Variants in DOCK8 observed in about 807,000 individuals in gnomAD.
The protein encoded by DOCK8 is dedicator of cytokinesis 8, also known as dedicator of cytokinesis protein 8.
DOCK8 carries 141 observed loss-of-function variants against 245.6 expected under a neutral mutation model. That is an observed-to-expected ratio of 0.57 (90% CI 0.50 to 0.66). The LOEUF (loss-of-function observed/expected upper bound fraction) is 0.66, where lower values mean the gene tolerates loss of function less well. DOCK8 is among the 30% of genes least tolerant of loss of function. The pLI, the probability that DOCK8 is intolerant of heterozygous loss-of-function variation, is 0.00. For synonymous variants in DOCK8, 1,168 were observed against 970.2 expected (o/e 1.20, Z -3.79); for missense variants, 2,965 against 2,603.4 (o/e 1.14, Z -3.02).
intron 5 of DOCK8, among the ~76,000 whole-genome samples, chr9:308,088 C>T (rs575853209): frequency 4.7e-4 from 71 of 152,188 alleles, no homozygotes; most frequent in Non-Finnish European, 8.7e-4. Context: ...GGTTGGTTAA[C>T]GGTTACAAAA....
intron 2 of DOCK8, among the ~76,000 whole-genome samples, chr9:279,601 C>T (rs549555070): frequency 1.3e-5 from 2 of 152,244 alleles, no homozygotes; most frequent in South Asian, 2.1e-4. Context: ...AATTGGTTGC[C>T]TTCCATGGGA....
chr9:369,050 C>T (rs1384717320), intron 15 of DOCK8: 1 of 152,068 alleles, frequency 6.6e-6, no homozygotes, highest in Non-Finnish European at 1.5e-5. Context: ...AGCTGATCCA[C>T]CCGCCTTGGC....
intron 9 of DOCK8, among the ~76,000 whole-genome samples, chr9:329,224 T>C (rs1563927276): frequency 6.6e-6 from 1 of 152,180 alleles, no homozygotes; most frequent in Non-Finnish European, 1.5e-5. Context: ...AGTGTTGGGA[T>C]TACAGGCGTG....
chr9:396,487 T>G (rs1160236709), intron 24 of DOCK8, among the ~76,000 whole-genome samples: 1 of 152,194 alleles, frequency 6.6e-6, no homozygotes, highest in African/African-American at 2.4e-5. Context: ...CCTTCCAGGA[T>G]GTAGGCAGTT....
chr9:259,092 C>T (rs1587678284), intron 1 of DOCK8, among the ~76,000 whole-genome samples: 1 of 152,028 alleles, frequency 6.6e-6, no homozygotes, highest in Non-Finnish European at 1.5e-5. Context: ...GGATCACCTG[C>T]ATCCAGGAAT....
chr9:285,585 A>G (rs1043377512), intron 2 of DOCK8, among the ~76,000 whole-genome samples: 1 of 152,172 alleles, frequency 6.6e-6, no homozygotes, highest in Admixed American at 6.5e-5. Context: ...TTACTTTCTT[A>G]GGGTGGTCAT....
intron 4 of DOCK8, among the ~76,000 whole-genome samples, chr9:291,100 A>G (rs139594171): frequency 9.6e-4 from 147 of 152,368 alleles, no homozygotes; most frequent in African/African-American, 3.5e-3. Context: ...AAGTTTTTAA[A>G]TGCTATCATT....
At chr9:400,820 TCCACCA>T (rs1564015599) in intron 26 of DOCK8, among the ~76,000 whole-genome samples, 30 of 26,308 alleles carry the variant, frequency 1.1e-3, no homozygotes, top group East Asian at 4.2e-3. Context: ...CACCACCACC[TCCACCA>T]TCACCATCAC....
intron 21 of DOCK8, 121 bp from the exon 22 acceptor site, chr9:382,392 T>A: frequency 7.1e-7 from 1 of 1,403,114 alleles, no homozygotes; most frequent in Non-Finnish European, 1.0e-6. Flanking sequence ...AAGAAGTCTC[T>A]AATTCCAAGG....
intron 34 of DOCK8, among the ~76,000 whole-genome samples, 183 bp from the exon 35 acceptor site, chr9:428,179 A>G (rs899098500): frequency 7.2e-5 from 11 of 152,238 alleles, no homozygotes; most frequent in Non-Finnish European, 1.6e-4. Flanking sequence ...GCATTGAAAT[A>G]AAGCCATTTG....
In DOCK8 at chr9:377,228, C is replaced by CT; in HGVS notation, c.2440+18dup. ...GCCAGACAGGTATGAACCTGCAGGG[C>CT]TGGGCTGGGAGGAGGCAGGAGCAAG... On this transcript the variant is annotated intron_variant, in intron 20 of 47. Coordinates refer to ENST00000432829, the MANE Select transcript of DOCK8 (RefSeq NM_203447.4). 1.3e-6 allele frequency: 2 copies of CT among 1,560,238 alleles called. No homozygotes were observed. The highest frequency in any genetic ancestry group is 1.7e-6 in the Non-Finnish European group (2 of 1,156,996).
chr9:364,020 T>C (rs1351992559), intron 14 of DOCK8, among the ~76,000 whole-genome samples: 1 of 152,206 alleles, frequency 6.6e-6, no homozygotes, highest in East Asian at 1.9e-4. Context: ...GAAAGATTGA[T>C]AGGCGCCTTT....
At chr9:224,397 C>G (rs1044225718) in intron 1 of DOCK8, among the ~76,000 whole-genome samples, 1 of 152,082 alleles carries the variant, frequency 6.6e-6, no homozygotes. Flanking sequence ...TGCTTGGAGA[C>G]TCAATTAAGG....
chr9:437,844 T>C (rs1177747950), intron 39 of DOCK8, among the ~76,000 whole-genome samples: 2 of 152,240 alleles, frequency 1.3e-5, no homozygotes, highest in African/African-American at 2.4e-5. Context: ...CTGTTACTTG[T>C]ACCTCCCTGA....
At chr9:406,849 C>A (rs546872158) in intron 27 of DOCK8, 81 bp from the exon 28 acceptor site, 7 of 1,591,116 alleles carry the variant, frequency 4.4e-6, no homozygotes, top group Non-Finnish European at 5.2e-6. Flanking sequence ...CTGGCTGGGG[C>A]GAGGACTCAG....
intron 28 of DOCK8, 41 bp from the exon 29 acceptor site, chr9:414,741 C>G (rs779409118): frequency 3.1e-6 from 5 of 1,613,586 alleles, no homozygotes; most frequent in Admixed American, 1.7e-5. Context: ...TAGTCAATTT[C>G]CTTTCACCAT....
At chr9:298,028 G>A (rs2049339264) in intron 4 of DOCK8, among the ~76,000 whole-genome samples, 1 of 152,148 alleles carries the variant, frequency 6.6e-6, no homozygotes, top group Non-Finnish European at 1.5e-5. Flanking sequence ...CTAACAAAAT[G>A]GAAGACAGAA....
intron 1 of DOCK8, among the ~76,000 whole-genome samples, chr9:240,991 T>G (rs1477798031): frequency 6.6e-6 from 1 of 152,208 alleles, no homozygotes; most frequent in Non-Finnish European, 1.5e-5. Context: ...AAATGATTAT[T>G]GTTTCTTTTT....
intron 2 of DOCK8, chr9:280,747 T>G (rs756668243): frequency 5.9e-5 from 9 of 152,204 alleles, no homozygotes; most frequent in Non-Finnish European, 1.0e-4. Context: ...AAAAAATGTG[T>G]GTGTATGCTA....
Sources: gnomAD v4.1 joint callset for allele counts (sites outside exome capture counted in the v4.1 genomes callset) on GRCh38, gnomAD v4.1.1 for gene constraint, MANE v1.5 for transcripts, NCBI Gene and HGNC (gene_info 2026-07-23, HGNC 2026-07-21) for gene names.